The following MORC1 variants were observed in gnomAD, a reference collection of about 807,000 sequenced individuals.
MORC1 encodes MORC family CW-type zinc finger 1, also known as MORC family CW-type zinc finger protein 1.
A neutral mutation model predicts 134.9 loss-of-function variants in MORC1; 59 were observed. The observed-to-expected ratio is 0.44, with a 90% CI of 0.35 to 0.54. MORC1 has a LOEUF of 0.54. Among genes scored for constraint, MORC1 ranks in the 20% least tolerant of loss-of-function variants. The probability of loss-of-function intolerance (pLI) is 0.00; values close to 1 mark genes in which losing one functional copy is unlikely to be tolerated. For missense variants in MORC1, 947 were observed against 1,134.5 expected, an observed-to-expected ratio of 0.83 and a Z score of 2.37; for synonymous variants, 395 against 391.7, an observed-to-expected ratio of 1.01 and a Z score of -0.10.
At chr3:109,111,741 G>A (rs1951172595) in intron 2 of MORC1, among the ~76,000 whole-genome samples, 2 of 152,112 alleles carry the variant, frequency 1.3e-5, no homozygotes, top group South Asian at 4.1e-4. Context: ...ATGTAACTCT[G>A]GTGGGGAAAC....
rs768326405 is a variant in MORC1, at chr3:109,095,108, C to CA, written c.424-41dup. 18 of 1,508,290 alleles carry CA rather than the reference C, an allele frequency of 1.2e-5. No individual in the cohort carries two copies. The East Asian group carries it at 2.1e-4, about 18-fold the overall frequency. The allele number at this position is 1,508,290 out of a possible 1,614,324, so 93.4% of individuals were successfully genotyped here. ...ACACATCAATTTACTATGAAATACA[C>CA]AAAAAACATTATTCTTTTGTCTTAT... On this transcript the variant is annotated intron_variant, in intron 6 of 27. Transcript: ENST00000232603.
At chr3:109,091,690 C>T (rs1302578322) in intron 8 of MORC1, among the ~76,000 whole-genome samples, 1 of 152,046 alleles carries the variant, frequency 6.6e-6, no homozygotes, top group East Asian at 1.9e-4. Context: ...GTCCTCAGTT[C>T]AGAAACTATG....
At chr3:109,089,201 C>G (rs953509395) in intron 8 of MORC1, among the ~76,000 whole-genome samples, 1 of 152,084 alleles carries the variant, frequency 6.6e-6, no homozygotes, top group African/African-American at 2.4e-5. Flanking sequence ...ATGTGTACCC[C>G]TGAACCTAAA....
chr3:108,978,676 C>T (rs6784419), intron 24 of MORC1, among the ~76,000 whole-genome samples: 36,647 of 152,134 alleles, frequency 0.24, 4,608 homozygotes, highest in Middle Eastern at 0.44. Context: ...TTCCTACCTG[C>T]TTCTACTGTT....
At chr3:109,026,860 C>T (rs989918853) in intron 17 of MORC1, among the ~76,000 whole-genome samples, 12 of 152,112 alleles carry the variant, frequency 7.9e-5, no homozygotes, top group Admixed American at 6.6e-5. Flanking sequence ...CCCTAAGACT[C>T]CAGGGTAAAA....
intron 17 of MORC1, among the ~76,000 whole-genome samples, chr3:109,026,686 T>C (rs983193753): frequency 4.6e-5 from 7 of 152,140 alleles, no homozygotes; most frequent in African/African-American, 1.4e-4. Flanking sequence ...ATGTACCTAA[T>C]TATTTATTAA....
chr3:109,085,217 A>G (rs573812817), intron 8 of MORC1, among the ~76,000 whole-genome samples: 1 of 151,360 alleles, frequency 6.6e-6, no homozygotes, highest in South Asian at 2.1e-4. Context: ...TGTGTGTGTA[A>G]GAACTCAAAA....
chr3:109,054,931 A>C (rs1175083267), intron 13 of MORC1, 49 bp from the exon 14 acceptor site: 1 of 1,501,630 alleles, frequency 6.7e-7, no homozygotes, highest in Non-Finnish European at 9.0e-7. Flanking sequence ...GCTAAAGAAA[A>C]AAATCAAATA....
chr3:109,033,652 A>G (rs1233758657), intron 15 of MORC1, among the ~76,000 whole-genome samples: 1 of 152,194 alleles, frequency 6.6e-6, no homozygotes, highest in Non-Finnish European at 1.5e-5. Context: ...GATCTTGGAC[A>G]AATTATTTAA....
At chr3:108,966,046 A>G (rs1237844115) in intron 26 of MORC1, among the ~76,000 whole-genome samples, 1 of 152,180 alleles carries the variant, frequency 6.6e-6, no homozygotes, top group African/African-American at 2.4e-5. Flanking sequence ...AACACTTTTG[A>G]CAACTTTTCA....
intron 14 of MORC1, among the ~76,000 whole-genome samples, chr3:109,052,526 C>T (rs1281601735): frequency 6.6e-6 from 1 of 152,126 alleles, no homozygotes; most frequent in Non-Finnish European, 1.5e-5. Context: ...GAAAACTCAG[C>T]TTCGGCAGGA....
intron 14 of MORC1, among the ~76,000 whole-genome samples, chr3:109,036,552 C>T (rs6808597): frequency 0.48 from 72,397 of 151,974 alleles, 20,374 homozygotes; most frequent in East Asian, 0.91. Context: ...CTGTTTTGTC[C>T]AATATGATAA....
rs1947657205 is a variant in MORC1, at chr3:108,979,630, A to G, written c.2362T>C (p.Ser788Pro). ...NVPMEDVNLS[S>P]GHIARVSVSG... ...ACAGAAACTCTGGCTATGTGTCCAG[A>G]ACTTAGATTCACATCTTCCATCGGC... Residue 788 changes from serine to proline, a missense_variant, in exon 24 of 28, where the codon TCT becomes CCT. Physicochemically the swap from Ser to Pro is moderately conservative, Grantham distance 74. Transcript: ENST00000232603. 1 of 1,614,040 alleles carries G rather than the reference A, an allele frequency of 6.2e-7. No individual in the cohort carries two copies. Among genetic ancestry groups the G allele is most frequent in the African/African-American group, 1.3e-5 (1 of 74,936 alleles).
At chr3:109,025,244 A>G (rs1209001990) in intron 17 of MORC1, among the ~76,000 whole-genome samples, 1 of 152,112 alleles carries the variant, frequency 6.6e-6, no homozygotes, top group Non-Finnish European at 1.5e-5. Context: ...ATCAGTGTTC[A>G]GCTCCAAGTG....
intron 21 of MORC1, among the ~76,000 whole-genome samples, chr3:108,994,160 T>C (rs935465652): frequency 2.0e-5 from 3 of 152,136 alleles, no homozygotes; most frequent in African/African-American, 7.2e-5. Flanking sequence ...TGTATCTTTC[T>C]TGAGCCTCAG....
At chr3:108,990,898 T>TCTCTCTCTCTCTCTC (rs1559876202) in intron 21 of MORC1, among the ~76,000 whole-genome samples, 46 of 145,752 alleles carry the variant, frequency 3.2e-4, no homozygotes, top group African/African-American at 1.1e-3. Context: ...GTTTCTCTCT[T>TCTCTCTCTCTCTCTC]TCTCTCTCTC....
intron 8 of MORC1, among the ~76,000 whole-genome samples, chr3:109,075,726 G>T (rs1251795134): frequency 1.3e-5 from 2 of 152,102 alleles, no homozygotes. Flanking sequence ...TTGAAGTCAG[G>T]TAGCATGATG....
Position 109,000,656 on chromosome 3 carries a change from G to T in MORC1, c.2088C>A (p.Ala696=), listed in dbSNP as rs762258536. 1.9e-6 allele frequency: 3 copies of T among 1,606,138 alleles called. No homozygotes were observed. Among genetic ancestry groups the T allele is most frequent in the Non-Finnish European group, 2.5e-6 (3 of 1,176,856 alleles). ...GCTTCCTTTTCATTTCCCAAGAAGCGGCCTATAACAAGGAATTAACAAAAA... is the reference window on the plus strand; with the variant it reads ...GCTTCCTTTTCATTTCCCAAGAAGCTGCCTATAACAAGGAATTAACAAAAA... ...PTEGCLKNAQ[A]ASWEMKRKQS... is the part of the protein sequence containing the mutation. The change falls in exon 21 of 28, where the codon GCC becomes GCA. Residue 696 remains alanine, a splice_region_variant and synonymous_variant. Coordinates refer to ENST00000232603, the MANE Select transcript of MORC1 (RefSeq NM_014429.4).
At chr3:109,020,570 T>C (rs1269001833) in intron 17 of MORC1, among the ~76,000 whole-genome samples, 1 of 151,878 alleles carries the variant, frequency 6.6e-6, no homozygotes, top group Non-Finnish European at 1.5e-5. Flanking sequence ...ATCGAGACCA[T>C]CCTGGCTAAC....
Sources: allele counts gnomAD v4.1 joint callset (sites outside exome capture counted in the v4.1 genomes callset), GRCh38; gene constraint gnomAD v4.1.1; transcripts MANE v1.5; gene names NCBI Gene and HGNC (gene_info 2026-07-23, HGNC 2026-07-21).